Variants in CCDC122 observed in about 807,000 individuals in gnomAD.
CCDC122 encodes the protein coiled-coil domain containing 122.
In CCDC122, 38 loss-of-function variants were observed where a neutral mutation model predicts 37.0. The ratio of observed to expected loss-of-function variants is 1.03; its 90% CI spans 0.79 to 1.35. The LOEUF (loss-of-function observed/expected upper bound fraction) is 1.35, where lower values mean the gene tolerates loss of function less well. Among genes scored for constraint, CCDC122 ranks in the 40% most tolerant of loss-of-function variants. The pLI, the probability that CCDC122 is intolerant of heterozygous loss-of-function variation, is 0.00. For missense variants in CCDC122, 305 were observed against 310.0 expected (o/e 0.98, Z 0.12); for synonymous variants, 83 against 95.6 (o/e 0.87, Z 0.77).
chr13:43,854,876 C>T (rs1009251705), intron 6 of CCDC122: 3 of 152,082 alleles, frequency 2.0e-5, no homozygotes, highest in African/African-American at 7.2e-5. Flanking sequence ...ACAAACACAA[C>T]ATGAATTATC....
At chr13:43,869,005 C>T (rs1017808599) in intron 3 of CCDC122, among the ~76,000 whole-genome samples, 12 of 152,014 alleles carry the variant, frequency 7.9e-5, no homozygotes, top group African/African-American at 2.9e-4. Context: ...AAGTTGCCTA[C>T]TGCAATGTCA....
rs559388199 is a variant in CCDC122 at position 43,825,631 on chromosome 13, G to T, written n.602-1620C>A. ...CTAAAAATGTAAATATTAGCTGGGC[G>T]TGGTGGTGTGCGCTTGTAGTCCCAG... On this transcript the variant is annotated intron_variant and non_coding_transcript_variant, in intron 3 of 3. Transcript: ENST00000470137. 1.4e-4 allele frequency among the ~76,000 whole-genome samples: 21 copies of T among 152,252 alleles called. No individual in the cohort carries two copies. The South Asian group carries it at 4.1e-3, about 30-fold the overall frequency.
chr13:43,863,163 C>T (rs902370513), intron 4 of CCDC122, among the ~76,000 whole-genome samples: 5 of 152,134 alleles, frequency 3.3e-5, no homozygotes, highest in African/African-American at 1.2e-4. Context: ...TCCTGATACT[C>T]TGTAAATTCA....
chr13:43,838,404 G>C (rs963201735), intron 6 of CCDC122, among the ~76,000 whole-genome samples: 1 of 152,116 alleles, frequency 6.6e-6, no homozygotes, highest in African/African-American at 2.4e-5. Flanking sequence ...GCCAGACGAG[G>C]ATACACTGGA....
At chr13:43,844,483 T>G (rs1175312934) in intron 6 of CCDC122, among the ~76,000 whole-genome samples, 1 of 151,956 alleles carries the variant, frequency 6.6e-6, no homozygotes, top group East Asian at 1.9e-4. Context: ...TTATGTGGAG[T>G]GCTTTATAAA....
At chr13:43,879,142 G>A (rs1954777525) in intron 1 of CCDC122, 1 of 152,134 alleles carries the variant, frequency 6.6e-6, no homozygotes, top group South Asian at 2.1e-4. Flanking sequence ...TAGCAGAAGG[G>A]AGACTGCGGT....
intron 3 of CCDC122, among the ~76,000 whole-genome samples, chr13:43,824,423 C>T (rs551571253): frequency 6.6e-6 from 1 of 152,282 alleles, no homozygotes; most frequent in African/African-American, 2.4e-5. Flanking sequence ...GGATTAAAAA[C>T]TTAAATGTAA....
downstream of CCDC122, among the ~76,000 whole-genome samples, chr13:43,821,816 G>A (rs1172963793): frequency 6.6e-6 from 1 of 152,108 alleles, no homozygotes; most frequent in African/African-American, 2.4e-5. Context: ...TTCAACTCTA[G>A]AATTTCTTCT....
intron 6 of CCDC122, among the ~76,000 whole-genome samples, chr13:43,839,179 G>A (rs1953265108): frequency 6.6e-6 from 1 of 152,146 alleles, no homozygotes; most frequent in Non-Finnish European, 1.5e-5. Flanking sequence ...TCTGTTTCAC[G>A]AATATCACCA....
intron 6 of CCDC122, among the ~76,000 whole-genome samples, chr13:43,840,953 C>A (rs1270046267): frequency 6.6e-6 from 1 of 152,160 alleles, no homozygotes; most frequent in Non-Finnish European, 1.5e-5. Flanking sequence ...CCTGAGGAAT[C>A]ACCACAATGA....
chr13:43,838,154 T>G (rs541616093), intron 6 of CCDC122, among the ~76,000 whole-genome samples: 2 of 152,224 alleles, frequency 1.3e-5, no homozygotes, highest in East Asian at 1.9e-4. Context: ...GCTTCTCTAA[T>G]CATTCTTCTA....
intron 6 of CCDC122, chr13:43,856,298 A>C (rs913321793): frequency 6.6e-6 from 1 of 152,228 alleles, no homozygotes; most frequent in Non-Finnish European, 1.5e-5. Flanking sequence ...ACAGAAATTT[A>C]CCTATATAAC....
chr13:43,870,804 T>A (rs1954423083), intron 2 of CCDC122, among the ~76,000 whole-genome samples: 1 of 152,118 alleles, frequency 6.6e-6, no homozygotes, highest in Non-Finnish European at 1.5e-5. Context: ...TCAAGTATTT[T>A]GGCTCCAAAG....
chr13:43,866,293 C>G (rs984318939), intron 4 of CCDC122, among the ~76,000 whole-genome samples: 3 of 152,160 alleles, frequency 2.0e-5, no homozygotes, highest in Admixed American at 1.3e-4. Flanking sequence ...AGAACTGAAT[C>G]AAATCATTGG....
At chr13:43,858,041 ACT>A (rs1953981121) in intron 6 of CCDC122, 1 of 152,234 alleles carries the variant, frequency 6.6e-6, no homozygotes, top group East Asian at 1.9e-4. Flanking sequence ...TTCCTAGTAA[ACT>A]AAAAGGTAAA....
chr13:43,839,490 T>C (rs1335983983), intron 6 of CCDC122, among the ~76,000 whole-genome samples: 5 of 152,226 alleles, frequency 3.3e-5, no homozygotes, highest in Non-Finnish European at 7.3e-5. Context: ...ATCCAGTTCA[T>C]GAGTTGATGA....
chr13:43,836,165 T>C (rs1336483171), downstream of CCDC122, among the ~76,000 whole-genome samples: 2 of 152,238 alleles, frequency 1.3e-5, no homozygotes, highest in African/African-American at 4.8e-5. Context: ...TTTGTTTTTG[T>C]TTCTAAGTAT....
intron 2 of CCDC122, among the ~76,000 whole-genome samples, chr13:43,873,615 A>G (rs1230600156): frequency 6.6e-6 from 1 of 152,152 alleles, no homozygotes; most frequent in Non-Finnish European, 1.5e-5. Context: ...TGCTGCCCCG[A>G]TTGACCTACC....
downstream of CCDC122, among the ~76,000 whole-genome samples, chr13:43,835,138 T>G (rs1389449221): frequency 1.7e-4 from 26 of 151,946 alleles, no homozygotes; most frequent in Non-Finnish European, 1.8e-4. Context: ...CCATAAAAAA[T>G]GATGAGTTCA....
Sources: allele counts gnomAD v4.1 joint callset (sites outside exome capture counted in the v4.1 genomes callset), GRCh38; gene constraint gnomAD v4.1.1; transcripts MANE v1.5; gene names NCBI Gene and HGNC (gene_info 2026-07-23, HGNC 2026-07-21).